CSGALNACT1: variants seen among roughly 807,000 people sequenced by gnomAD.
CSGALNACT1 encodes chondroitin sulfate N-acetylgalactosaminyltransferase 1, also known as beta4GalNAcT-1.
A neutral mutation model predicts 51.0 loss-of-function variants in CSGALNACT1; 52 were observed. The ratio of observed to expected loss-of-function variants is 1.02; its 90% CI spans 0.82 to 1.29. CSGALNACT1 has a LOEUF of 1.29. Ranked by LOEUF, CSGALNACT1 falls within the 50% of genes most tolerant of loss-of-function variation. The probability of loss-of-function intolerance (pLI) is 0.00; values close to 1 mark genes in which losing one functional copy is unlikely to be tolerated. For synonymous variants in CSGALNACT1, 341 were observed against 254.4 expected (o/e 1.34, Z -3.24); for missense variants, 935 against 679.2 (o/e 1.38, Z -4.19).
At chr8:19,698,694 A>T (rs2061704560) in intron 1 of CSGALNACT1, among the ~76,000 whole-genome samples, 1 of 152,174 alleles carries the variant, frequency 6.6e-6, no homozygotes. Context: ...AGATGTGGAG[A>T]AATTGGAATT....
chr8:19,727,060 T>A (rs986675738), intron 1 of CSGALNACT1, among the ~76,000 whole-genome samples: 2 of 152,166 alleles, frequency 1.3e-5, no homozygotes, highest in African/African-American at 4.8e-5. Flanking sequence ...AGAAGCTTGC[T>A]ATTGGTCCAG....
chr8:19,718,319 C>A (rs2062928323), intron 1 of CSGALNACT1, among the ~76,000 whole-genome samples: 1 of 152,094 alleles, frequency 6.6e-6, no homozygotes, highest in Admixed American at 6.5e-5. Context: ...CCAGGCTAGT[C>A]TTGAACTCCT....
At chr8:19,537,314 AGTT>A (rs2083979639) in intron 3 of CSGALNACT1, among the ~76,000 whole-genome samples, 1 of 152,136 alleles carries the variant, frequency 6.6e-6, no homozygotes, top group African/African-American at 2.4e-5. Flanking sequence ...TCTCTAAGCC[AGTT>A]TGTCTGACTC....
chr8:19,457,738 G>C lies in CSGALNACT1; in HGVS notation c.851+688C>G, dbSNP rs1331548504. 5 of 1,348,216 alleles carry C rather than the reference G, an allele frequency of 3.7e-6. No homozygotes were observed. The African/African-American group carries it at 5.9e-5, about 16-fold the overall frequency. 83.5% of individuals were successfully genotyped at this position (1,348,216 alleles called of 1,614,324 possible). On this transcript the variant is annotated intron_variant, in intron 5 of 9. Coordinates refer to ENST00000454498, the Ensembl canonical transcript of CSGALNACT1. ...TTATCCTCAGCCAATATGTGCATCT[G>C]AGCCATCACAGCTTCTAAGATCCAA...
chr8:19,653,709 G>C (rs541577611), intron 1 of CSGALNACT1, among the ~76,000 whole-genome samples: 1 of 152,070 alleles, frequency 6.6e-6, no homozygotes, highest in South Asian at 2.1e-4. Context: ...CGGAGGGATT[G>C]CTTAAGCCCA....
chr8:19,412,680 G>A (rs963811966), intron 8 of CSGALNACT1, among the ~76,000 whole-genome samples: 1 of 152,202 alleles, frequency 6.6e-6, no homozygotes, highest in Non-Finnish European at 1.5e-5. Context: ...CCCAAGGCCT[G>A]CTGTCACTGT....
At chr8:19,532,229 T>A (rs17128573) in intron 3 of CSGALNACT1, among the ~76,000 whole-genome samples, 64,391 of 151,526 alleles carry the variant, frequency 0.42, 14,550 homozygotes, top group African/African-American at 0.6. Flanking sequence ...CTTAAAACAA[T>A]CTCATTTTGA....
intron 6 of CSGALNACT1, among the ~76,000 whole-genome samples, chr8:19,439,299 T>G (rs930532377): frequency 1.3e-5 from 2 of 152,252 alleles, no homozygotes; most frequent in Non-Finnish European, 2.9e-5. Context: ...CTGAGTAAGT[T>G]TGATCAAGGA....
upstream of CSGALNACT1, among the ~76,000 whole-genome samples, chr8:19,603,044 GTA>G (rs1491096288): frequency 1.5e-4 from 15 of 100,258 alleles, no homozygotes; most frequent in South Asian, 7.6e-4. Context: ...ATTACTGTGT[GTA>G]TACACACACA....
chr8:19,525,525 G>A (rs368195978), intron 3 of CSGALNACT1, among the ~76,000 whole-genome samples: 1 of 143,912 alleles, frequency 6.9e-6, no homozygotes, highest in East Asian at 2.1e-4. Context: ...GCTGAGGTAG[G>A]AGAATCGCTT....
At chr8:19,702,093 A>G (rs931339689) in intron 1 of CSGALNACT1, among the ~76,000 whole-genome samples, 1 of 152,178 alleles carries the variant, frequency 6.6e-6, no homozygotes, top group Non-Finnish European at 1.5e-5. Context: ...AACCATCATT[A>G]TAGCCTCCTA....
chr8:19,607,711 A>G (rs2051590636), intron 1 of CSGALNACT1, among the ~76,000 whole-genome samples: 1 of 152,214 alleles, frequency 6.6e-6, no homozygotes, highest in Non-Finnish European at 1.5e-5. Flanking sequence ...ATTTGGCTTT[A>G]CATCTTAAAT....
chr8:19,584,099 G>A (rs2154125354), intron 3 of CSGALNACT1, among the ~76,000 whole-genome samples: 1 of 152,332 alleles, frequency 6.6e-6, no homozygotes, highest in South Asian at 2.1e-4. Flanking sequence ...AAGTAACAAA[G>A]TAAGTAGTAA....
chr8:19,719,111 A>G (rs1414564690), intron 1 of CSGALNACT1, among the ~76,000 whole-genome samples: 1 of 152,300 alleles, frequency 6.6e-6, no homozygotes, highest in Non-Finnish European at 1.5e-5. Context: ...AGGACCTGAT[A>G]CCACACATAT....
intron 3 of CSGALNACT1, among the ~76,000 whole-genome samples, chr8:19,524,712 G>A (rs1005046881): frequency 1.3e-5 from 2 of 152,094 alleles, no homozygotes; most frequent in African/African-American, 2.4e-5. Flanking sequence ...AGCCTCTAAT[G>A]TGATAAGGTT....
intron 3 of CSGALNACT1, among the ~76,000 whole-genome samples, chr8:19,567,432 A>T (rs1312988652): frequency 6.6e-6 from 1 of 152,254 alleles, no homozygotes; most frequent in Non-Finnish European, 1.5e-5. Flanking sequence ...TGTGACAGAC[A>T]AAGTGTATGA....
rs2083361352 is a variant in CSGALNACT1, at chr8:19,534,410, T to C, written c.-296-28280A>G. 2.6e-5 allele frequency among the ~76,000 whole-genome samples: 4 copies of C among 151,942 alleles called. No homozygotes were observed. The South Asian group carries it at 6.2e-4, about 24-fold the overall frequency. ...AGGCTGCAGTGAGCTGAGATCCCACTACTGCACTCTAGCCTGAGTGACAGA... is the reference window on the plus strand; with the variant it reads ...AGGCTGCAGTGAGCTGAGATCCCACCACTGCACTCTAGCCTGAGTGACAGA... On this transcript the variant is annotated intron_variant, in intron 3 of 9. Transcript: ENST00000454498.
chr8:19,410,446 G>C (rs911541541), intron 8 of CSGALNACT1, among the ~76,000 whole-genome samples: 1 of 152,168 alleles, frequency 6.6e-6, no homozygotes, highest in Non-Finnish European at 1.5e-5. Flanking sequence ...TGGCAACCTA[G>C]ACAAGTTCCC....
chr8:19,650,992 A>G (rs2057754714), intron 1 of CSGALNACT1, among the ~76,000 whole-genome samples: 1 of 152,170 alleles, frequency 6.6e-6, no homozygotes, highest in Non-Finnish European at 1.5e-5. Context: ...CCAAGGGACA[A>G]AGAAAAGGTG....
Sources: allele counts gnomAD v4.1 joint callset (sites outside exome capture counted in the v4.1 genomes callset), GRCh38; gene constraint gnomAD v4.1.1; transcripts MANE v1.5; gene names NCBI Gene and HGNC (gene_info 2026-07-23, HGNC 2026-07-21).